The following DHX32 variants were observed in gnomAD, a reference collection of about 807,000 sequenced individuals.
DHX32 encodes putative pre-mRNA-splicing factor ATP-dependent RNA helicase DHX32.
Under a neutral mutation model 70.0 loss-of-function variants are expected in DHX32, and 51 were observed. That is an observed-to-expected ratio of 0.73 (90% CI 0.58 to 0.92). The LOEUF (loss-of-function observed/expected upper bound fraction) is 0.92. DHX32 is among the 40% of genes least tolerant of loss of function. The pLI, the probability that DHX32 is intolerant of heterozygous loss-of-function variation, is 0.00. For synonymous variants in DHX32, 310 were observed against 315.3 expected (o/e 0.98, Z 0.18); for missense variants, 762 against 891.8 (o/e 0.85, Z 1.85).
chr10:125,887,638 T>C (rs1446031831), intron 1 of DHX32, among the ~76,000 whole-genome samples: 1 of 151,218 alleles, frequency 6.6e-6, no homozygotes, highest in Non-Finnish European at 1.5e-5. Context: ...TTTGTGTGTG[T>C]GTTTTTTTTT....
intron 3 of DHX32, 131 bp from the exon 4 acceptor site, chr10:125,854,334 G>A: frequency 1.2e-6 from 1 of 838,102 alleles, no homozygotes; most frequent in Non-Finnish European, 1.7e-6. Flanking sequence ...CTGTGTTGCT[G>A]CCTACATGTA....
rs1944313947 is a variant in DHX32 at position 125,881,018 on chromosome 10, T to G, written c.-194A>C. ...TTCTCCGTTGCTGTGTTACCCACTG[T>G]GCTGGCTCACTACAGCACTCTTCGG... On this transcript the variant is annotated 5_prime_UTR_variant, in exon 1 of 11. Coordinates refer to ENST00000284690, the MANE Select transcript of DHX32 (RefSeq NM_018180.3). 1.6e-6 allele frequency: 1 copy of G among 619,594 alleles called. No homozygotes were observed. Among genetic ancestry groups the G allele is most frequent in the African/African-American group, 1.8e-5 (1 of 54,392 alleles). 38.4% of individuals were successfully genotyped at this position (619,594 alleles called of 1,614,324 possible). A position where few individuals can be genotyped will look rare whatever the true frequency, so the allele number is the denominator to read the frequency against.
intron 3 of DHX32, among the ~76,000 whole-genome samples, chr10:125,855,505 G>A (rs1020833531): frequency 7.6e-5 from 11 of 145,562 alleles, no homozygotes; most frequent in African/African-American, 2.8e-4. Context: ...CTGGAGTGCA[G>A]TGGCCCGATC....
rs575453716 is a variant in DHX32 at position 125,842,120 on chromosome 10, G to C, written c.1352-186C>G. 1.4e-5 allele frequency: 11 copies of C among 761,304 alleles called. No homozygotes were observed. The South Asian group carries it at 2.4e-4, about 16-fold the overall frequency. The allele number at this position is 761,304 out of a possible 1,614,324, so 47.2% of individuals were successfully genotyped here. A position where few individuals can be genotyped will look rare whatever the true frequency, so the allele number is the denominator to read the frequency against. On this transcript the variant is annotated intron_variant, in intron 6 of 10. Transcript: ENST00000284690. Reference sequence around the variant, plus strand: ...TTCTTGAGAGGGCAAACTCAGGAGGGGAGCCCTGTGATTGTCCAGCTCATG... The same window carrying C: ...TTCTTGAGAGGGCAAACTCAGGAGGCGAGCCCTGTGATTGTCCAGCTCATG...
At chr10:125,885,348 G>A (rs1288923456), upstream of DHX32, among the ~76,000 whole-genome samples, 2 of 152,178 alleles carry the variant, frequency 1.3e-5, no homozygotes, top group Admixed American at 1.3e-4. Context: ...CTCTACAGAT[G>A]TGATTAAATT....
At chr10:125,874,382 C>T (rs922619999) in intron 1 of DHX32, among the ~76,000 whole-genome samples, 1 of 152,056 alleles carries the variant, frequency 6.6e-6, no homozygotes, top group Non-Finnish European at 1.5e-5. Flanking sequence ...AGATACATGT[C>T]GTCCCAATTA....
At position 125,892,643 on chromosome 10, in the gene DHX32, C is replaced by T. The variant is rs1173593594; in HGVS notation, c.-248+3575G>A. Among the ~76,000 whole-genome samples the T allele has an allele frequency of 9.2e-5, 14 of 152,180 alleles. No homozygotes were observed. The South Asian group carries it at 1.0e-3, about 11-fold the overall frequency. On this transcript the variant is annotated intron_variant, in intron 1 of 2. Coordinates refer to the DHX32 transcript ENST00000415732. The stretch of plus-strand genomic sequence containing the variant: ...GTCATTTCCTGTTTACCCTTTATGA[C>T]ATGCAATTCCAGAGCCCAGGAAGTA...
At chr10:125,887,212 T>C (rs1944345242) in intron 1 of DHX32, among the ~76,000 whole-genome samples, 1 of 152,252 alleles carries the variant, frequency 6.6e-6, no homozygotes, top group African/African-American at 2.4e-5. Flanking sequence ...GTTTTCCATT[T>C]ACCTGTTCAA....
chr10:125,884,358 T>C (rs1187824286), upstream of DHX32, among the ~76,000 whole-genome samples: 3 of 152,212 alleles, frequency 2.0e-5, no homozygotes, highest in Admixed American at 2.0e-4. Context: ...ACAAATAATA[T>C]GGTAGGTTAG....
At position 125,866,978 on chromosome 10, in the gene DHX32, C is replaced by A. The variant is rs748325601; in HGVS notation, c.476+12G>T. The stretch of plus-strand genomic sequence containing the variant: ...TCATCAGCAGGGAGCGGACTGAACC[C>A]CACAAACCAACCTCAGGATTGTTTC... On this transcript the variant is annotated intron_variant, in intron 2 of 10. Coordinates refer to ENST00000284690, the MANE Select transcript of DHX32 (RefSeq NM_018180.3). The surrounding 1 kb of genome is among the most constrained non-coding windows in gnomAD (Gnocchi z 4.8). The A allele has an allele frequency of 8.7e-6, 14 of 1,609,486 alleles. No individual in the cohort carries two copies. The East Asian group carries it at 2.9e-4, about 33-fold the overall frequency.
At chr10:125,880,240 A>C (rs1366839690) in intron 1 of DHX32, among the ~76,000 whole-genome samples, 1 of 152,216 alleles carries the variant, frequency 6.6e-6, no homozygotes, top group African/African-American at 2.4e-5. Flanking sequence ...TTAAAATATC[A>C]TATACACAAT....
intron 6 of DHX32, among the ~76,000 whole-genome samples, chr10:125,851,368 T>G (rs965963868): frequency 3.9e-5 from 6 of 152,226 alleles, no homozygotes; most frequent in Non-Finnish European, 7.3e-5. Context: ...CCTCATGGAA[T>G]GAGCAGCACA....
chr10:125,847,671 T>C (rs1362603525), intron 6 of DHX32, among the ~76,000 whole-genome samples: 3 of 152,200 alleles, frequency 2.0e-5, no homozygotes, highest in African/African-American at 7.2e-5. Context: ...TATTATTACA[T>C]TGTAATATAT....
At chr10:125,839,326 G>C (rs1274964030) in intron 8 of DHX32, 138 bp from the exon 9 acceptor site, 1 of 829,278 alleles carries the variant, frequency 1.2e-6, no homozygotes, top group Non-Finnish European at 1.8e-6. Context: ...TGGCAGGAAG[G>C]CAGCAAGGAC....
intron 6 of DHX32, among the ~76,000 whole-genome samples, chr10:125,844,745 G>A (rs1184750396): frequency 6.6e-6 from 1 of 152,212 alleles, no homozygotes; most frequent in Admixed American, 6.5e-5. Flanking sequence ...TGGAATGGAA[G>A]TGTTTTAGTG....
intron 7 of DHX32, chr10:125,841,318 A>G: frequency 6.2e-7 from 1 of 1,614,182 alleles, no homozygotes; most frequent in Admixed American, 1.7e-5. Flanking sequence ...ACCAGTTCCG[A>G]TACAGCACAA....
chr10:125,862,836 T>C (rs539052732), intron 2 of DHX32, among the ~76,000 whole-genome samples: 22 of 151,992 alleles, frequency 1.4e-4, no homozygotes, highest in Non-Finnish European at 2.2e-4. Context: ...GTCTGTGCAA[T>C]GTGAGCAAGG....
At chr10:125,883,507 T>C (rs150140482), upstream of DHX32, among the ~76,000 whole-genome samples, 203 of 151,990 alleles carry the variant, frequency 1.3e-3, 7 homozygotes, top group East Asian at 0.033. Flanking sequence ...GAACTTCCAG[T>C]CCACAGCAGC....
chr10:125,874,323 A>G (rs10466249), intron 1 of DHX32, among the ~76,000 whole-genome samples: 2,961 of 152,344 alleles, frequency 0.019, 115 homozygotes, highest in African/African-American at 0.067. Context: ...TTAGTTTAGG[A>G]TAGATCCATT....
Sources: allele counts gnomAD v4.1 joint callset (sites outside exome capture counted in the v4.1 genomes callset), GRCh38; gene constraint gnomAD v4.1.1; non-coding constraint Gnocchi (gnomAD v3.1); transcripts MANE v1.5; gene names NCBI Gene and HGNC (gene_info 2026-07-23, HGNC 2026-07-21).